PTPRR: variants seen among roughly 807,000 people sequenced by gnomAD.
PTPRR encodes the protein receptor-type tyrosine-protein phosphatase R.
A neutral mutation model predicts 77.2 loss-of-function variants in PTPRR; 38 were observed. The ratio of observed to expected loss-of-function variants is 0.49; its 90% CI spans 0.38 to 0.65. PTPRR has a LOEUF of 0.65. PTPRR is among the 30% of genes least tolerant of loss of function. PTPRR has a pLI of 0.00. For missense variants in PTPRR, 744 were observed against 799.2 expected, an observed-to-expected ratio of 0.93 and a Z score of 0.83; for synonymous variants, 299 against 283.1, an observed-to-expected ratio of 1.06 and a Z score of -0.57.
rs1887807553 is a variant in PTPRR at position 70,684,993 on chromosome 12, C to A, written c.1280-210G>T. The A allele has an allele frequency of 1.0e-5, 4 of 385,592 alleles. No homozygotes were observed. The South Asian group carries it at 2.3e-4, about 22-fold the overall frequency. The allele number at this position is 385,592 out of a possible 1,614,324, so 23.9% of individuals were successfully genotyped here. On this transcript the variant is annotated intron_variant, in intron 8 of 13. Coordinates refer to ENST00000283228, the MANE Select transcript of PTPRR (RefSeq NM_002849.4). ...TCCTGACATAAAGCTCATCCATAAG[C>A]CTAAGCTGATGAGTTTATATTTCAG...
intron 2 of PTPRR, among the ~76,000 whole-genome samples, chr12:70,841,195 C>T (rs143377061): frequency 1.1e-3 from 169 of 151,910 alleles, no homozygotes; most frequent in African/African-American, 3.2e-3. Flanking sequence ...CCTTACCCCC[C>T]CAACAAAAAA....
chr12:70,917,947 G>C (rs1352300092), intron 1 of PTPRR, among the ~76,000 whole-genome samples: 5 of 152,206 alleles, frequency 3.3e-5, no homozygotes, highest in Non-Finnish European at 7.3e-5. Context: ...TACAGTTAAA[G>C]AGGCCTGAAT....
At chr12:70,691,132 C>G (rs903320500) in intron 8 of PTPRR, among the ~76,000 whole-genome samples, 1 of 152,154 alleles carries the variant, frequency 6.6e-6, no homozygotes, top group Admixed American at 6.5e-5. Flanking sequence ...TTCCTCCATG[C>G]TCATCTGCAA....
chr12:70,690,344 G>A (rs982396986), intron 8 of PTPRR, among the ~76,000 whole-genome samples: 1 of 152,160 alleles, frequency 6.6e-6, no homozygotes, highest in African/African-American at 2.4e-5. Context: ...TGCCTAGGGA[G>A]GCATTAATAG....
intron 6 of PTPRR, among the ~76,000 whole-genome samples, chr12:70,735,881 C>G (rs1403249483): frequency 1.3e-5 from 2 of 152,182 alleles, no homozygotes; most frequent in Non-Finnish European, 2.9e-5. Flanking sequence ...TCAGCTGTGA[C>G]TCTGCATCCT....
chr12:70,898,190 T>G (rs1240999920), intron 1 of PTPRR, among the ~76,000 whole-genome samples: 2 of 149,836 alleles, frequency 1.3e-5, no homozygotes, highest in African/African-American at 4.9e-5. Context: ...TGTAGAAACC[T>G]ATGTAGATAA....
At chr12:70,814,030 C>G (rs552161413) in intron 2 of PTPRR, among the ~76,000 whole-genome samples, 1 of 152,260 alleles carries the variant, frequency 6.6e-6, no homozygotes, top group East Asian at 1.9e-4. Context: ...ATACAGGGTA[C>G]TGACAAGAGT....
At chr12:70,896,160 G>T (rs1177746688) in intron 1 of PTPRR, among the ~76,000 whole-genome samples, 1 of 151,602 alleles carries the variant, frequency 6.6e-6, no homozygotes. Flanking sequence ...ATGGACATAT[G>T]ATGCAATGTA....
chr12:70,690,796 T>G (rs991944323), intron 8 of PTPRR, among the ~76,000 whole-genome samples: 1 of 152,218 alleles, frequency 6.6e-6, no homozygotes, highest in Non-Finnish European at 1.5e-5. Flanking sequence ...GTTGAAAGAC[T>G]CTTTGTGGAC....
Position 70,879,568 on chromosome 12 carries a change from A to C in PTPRR, c.357+13111T>G, listed in dbSNP as rs375651740. On this transcript the variant is annotated intron_variant, in intron 2 of 13. Transcript: ENST00000283228. ...TTAGGAAGGAGAATTGGTCCCCAAC[A>C]TTAAGATTGGACTGATGTTGGGGCT... Among the ~76,000 whole-genome samples, 5 of 152,218 alleles carry C rather than the reference A, an allele frequency of 3.3e-5. No homozygotes were observed. In the South Asian group the frequency reaches 1.0e-3, roughly 32 times the overall value.
intron 2 of PTPRR, among the ~76,000 whole-genome samples, chr12:70,802,126 T>C (rs1235156198): frequency 1.3e-5 from 2 of 152,106 alleles, no homozygotes; most frequent in African/African-American, 2.4e-5. Flanking sequence ...CTTTTCCTGA[T>C]AGCAAAGAAA....
rs528167538 is a variant in PTPRR, at chr12:70,717,929, T to C, written c.1008-16606A>G. Among the ~76,000 whole-genome samples the C allele has an allele frequency of 1.7e-4, 26 of 152,350 alleles. No homozygotes were observed. The South Asian group carries it at 5.2e-3, about 30-fold the overall frequency. ...GCTTTTATTACATATTAAACAATTA[T>C]CATATAAAACCTGATAATTGGTCAG... On this transcript the variant is annotated intron_variant, in intron 6 of 13. Coordinates refer to ENST00000283228, the MANE Select transcript of PTPRR (RefSeq NM_002849.4).
chr12:70,773,557 T>G (rs1282962436), intron 2 of PTPRR, among the ~76,000 whole-genome samples: 1 of 152,116 alleles, frequency 6.6e-6, no homozygotes, highest in Non-Finnish European at 1.5e-5. Flanking sequence ...AGAGGTGGCT[T>G]GGCAGATGGA....
At chr12:70,842,506 G>A (rs1279616951) in intron 2 of PTPRR, among the ~76,000 whole-genome samples, 3 of 152,136 alleles carry the variant, frequency 2.0e-5, no homozygotes, top group East Asian at 3.9e-4. Flanking sequence ...GCAGGGCTGC[G>A]CTTCCTCCCC....
intron 2 of PTPRR, 79 bp downstream of exon 2, chr12:70,892,600 C>A (rs1195200824): frequency 2.0e-6 from 3 of 1,491,758 alleles, no homozygotes; most frequent in Admixed American, 1.8e-5. Context: ...TATTCACAAT[C>A]AGTGTTTTTC....
chr12:70,738,327 A>G (rs866156552), intron 6 of PTPRR, among the ~76,000 whole-genome samples: 16 of 152,190 alleles, frequency 1.1e-4, no homozygotes, highest in Non-Finnish European at 2.2e-4. Flanking sequence ...TTGGGGGCCT[A>G]CTGAGACCTC....
At chr12:70,882,020 G>A (rs771832087) in intron 2 of PTPRR, among the ~76,000 whole-genome samples, 2 of 152,026 alleles carry the variant, frequency 1.3e-5, no homozygotes, top group Non-Finnish European at 2.9e-5. Context: ...TTACGCTGTT[G>A]GATTTCTTGT....
intron 2 of PTPRR, among the ~76,000 whole-genome samples, chr12:70,765,193 G>A (rs566713950): frequency 1.4e-4 from 21 of 152,228 alleles, no homozygotes; most frequent in South Asian, 4.1e-4. Context: ...TGCACGAGCC[G>A]AAGCAGGGTG....
chr12:70,729,762 C>A (rs942765520), intron 6 of PTPRR, among the ~76,000 whole-genome samples: 2 of 151,970 alleles, frequency 1.3e-5, no homozygotes, highest in African/African-American at 4.8e-5. Flanking sequence ...GACATCCTTA[C>A]CTCCAAGCAG....
Sources: allele counts gnomAD v4.1 joint callset (sites outside exome capture counted in the v4.1 genomes callset), GRCh38; gene constraint gnomAD v4.1.1; transcripts MANE v1.5; gene names NCBI Gene and HGNC (gene_info 2026-07-23, HGNC 2026-07-21).